Variants in LAMA4 observed in about 807,000 individuals in gnomAD.
LAMA4 encodes the protein laminin subunit alpha 4.
Under a neutral mutation model 207.1 loss-of-function variants are expected in LAMA4, and 127 were observed. The ratio of observed to expected loss-of-function variants is 0.61; its 90% confidence interval spans 0.53 to 0.71. LAMA4 has a LOEUF of 0.71. Among genes scored for constraint, LAMA4 ranks in the 30% least tolerant of loss-of-function variants. LAMA4 has a pLI of 0.00. For missense variants in LAMA4, 2,093 were observed against 2,246.5 expected (o/e 0.93, Z 1.38); for synonymous variants, 761 against 816.0 (o/e 0.93, Z 1.15).
At chr6:112,166,888 T>TCAACAA (rs1291690633) in intron 12 of LAMA4, among the ~76,000 whole-genome samples, 5 of 152,060 alleles carry the variant, frequency 3.3e-5, no homozygotes, top group Non-Finnish European at 5.9e-5. Flanking sequence ...AGTTCCACGG[T>TCAACAA]CAACAACAAC....
At chr6:112,171,204 ATCTG>A (rs1189242910) in intron 12 of LAMA4, among the ~76,000 whole-genome samples, 49 of 149,298 alleles carry the variant, frequency 3.3e-4, no homozygotes, top group African/African-American at 1.2e-3. Context: ...ATTTCCTTTT[ATCTG>A]TCTCTCCTTT....
At chr6:112,174,781 A>G (rs1241111969) in intron 11 of LAMA4, among the ~76,000 whole-genome samples, 1 of 152,192 alleles carries the variant, frequency 6.6e-6, no homozygotes, top group Non-Finnish European at 1.5e-5. Flanking sequence ...ATGAGCCACC[A>G]CGCCCGGCCT....
chr6:112,211,758 A>C (rs1316360399), intron 3 of LAMA4, among the ~76,000 whole-genome samples: 2 of 152,264 alleles, frequency 1.3e-5, no homozygotes, highest in African/African-American at 4.8e-5. Flanking sequence ...GAACAAGTTC[A>C]GGCACAAGAG....
chr6:112,176,272 A>G (rs1554343707), intron 10 of LAMA4, among the ~76,000 whole-genome samples: 1 of 152,214 alleles, frequency 6.6e-6, no homozygotes, highest in African/African-American at 2.4e-5. Flanking sequence ...TGAATCCCTC[A>G]TTCCTACTAC....
At chr6:112,128,889 C>T in intron 31 of LAMA4, 33 bp downstream of exon 31, 1 of 1,596,780 alleles carries the variant, frequency 6.3e-7, no homozygotes, top group Non-Finnish European at 8.6e-7. Context: ...AAAATGATGA[C>T]AATTAGGAAG....
intron 35 of LAMA4, among the ~76,000 whole-genome samples, chr6:112,116,220 G>A (rs1256768889): frequency 1.3e-5 from 2 of 152,164 alleles, no homozygotes; most frequent in Non-Finnish European, 2.9e-5. Flanking sequence ...GCTGGCAACA[G>A]CACACAAAAT....
intron 18 of LAMA4, among the ~76,000 whole-genome samples, chr6:112,147,757 T>C (rs1354029717): frequency 1.3e-5 from 2 of 152,204 alleles, no homozygotes; most frequent in African/African-American, 4.8e-5. Flanking sequence ...GAAAAAGCAA[T>C]GTTGCCTAGT....
rs1360993170 is a variant in LAMA4 at position 112,253,939 on chromosome 6, T to C, written c.195+17A>G. 6.2e-7 allele frequency: 1 copy of C among 1,606,946 alleles called. No individual in the cohort carries two copies. The highest frequency in any genetic ancestry group is 8.5e-7 in the Non-Finnish European group (1 of 1,176,190). ...CGCAGGTGCCCCAGCAGGGTGGCAA[T>C]GGCAGGGACACTGTACCTCGGCCGC... is the stretch of plus-strand genomic sequence containing the variant. On this transcript the variant is annotated intron_variant, in intron 2 of 38. Transcript: ENST00000230538.
chr6:112,233,356 C>T (rs1390313992), intron 2 of LAMA4, among the ~76,000 whole-genome samples: 3 of 152,156 alleles, frequency 2.0e-5, no homozygotes, highest in Admixed American at 1.3e-4. Context: ...GCGTTTTCAA[C>T]AAATAATTGT....
At chr6:112,227,927 T>G (rs1785314640) in intron 2 of LAMA4, among the ~76,000 whole-genome samples, 1 of 152,218 alleles carries the variant, frequency 6.6e-6, no homozygotes, top group Non-Finnish European at 1.5e-5. Flanking sequence ...TAGTTGGGCC[T>G]TACTATTTAA....
In LAMA4 at chr6:112,133,341, G is replaced by A. The variant is rs782714768; in HGVS notation, c.3696+8C>T. The A allele has an allele frequency of 1.5e-5, 24 of 1,613,432 alleles. No homozygotes were observed. The highest frequency in any genetic ancestry group is 1.7e-5 in the Admixed American group (1 of 59,984). On this transcript the variant is annotated splice_region_variant and intron_variant, in intron 27 of 38. Transcript: ENST00000230538. ...CTATTAAAAAGCTTTTGACTGAGTG[G>A]TTCTTACAAGTGAGTCTTCTGGGCA...
intron 13 of LAMA4, 62 bp from the exon 14 acceptor site, chr6:112,158,942 G>A: frequency 8.7e-7 from 1 of 1,152,700 alleles, no homozygotes; most frequent in Non-Finnish European, 1.3e-6. Flanking sequence ...TTTTTCCTAG[G>A]CACCAAAAGA....
At chr6:112,183,812 G>A (rs1262926682) in intron 9 of LAMA4, among the ~76,000 whole-genome samples, 7 of 151,732 alleles carry the variant, frequency 4.6e-5, no homozygotes, top group South Asian at 2.1e-4. Context: ...TTAGCCAGGC[G>A]TGGTGGTGTG....
At chr6:112,209,467 A>G (rs1375121891) in intron 3 of LAMA4, among the ~76,000 whole-genome samples, 1 of 152,178 alleles carries the variant, frequency 6.6e-6, no homozygotes, top group Non-Finnish European at 1.5e-5. Flanking sequence ...GCAAGTATGA[A>G]CTTTCCTCAT....
chr6:112,202,443 G>GTGTGTGT (rs781857527), intron 4 of LAMA4, among the ~76,000 whole-genome samples: 35 of 150,140 alleles, frequency 2.3e-4, no homozygotes, highest in African/African-American at 6.8e-4. Flanking sequence ...GGGGCATAGG[G>GTGTGTGT]GTGTGTGTGT....
At chr6:112,150,465 C>T (rs1554335508) in intron 17 of LAMA4, 46 bp downstream of exon 17, 2 of 1,143,470 alleles carry the variant, frequency 1.7e-6, no homozygotes, top group East Asian at 2.3e-5. Flanking sequence ...TTACCTTACA[C>T]TCCAGTGAAT....
chr6:112,133,397 C>A lies in LAMA4; in HGVS notation c.3648G>T (p.Glu1216Asp). The A allele has an allele frequency of 6.2e-7, 1 of 1,613,852 alleles. No homozygotes were observed. The highest frequency in any genetic ancestry group is 8.5e-7 in the Non-Finnish European group (1 of 1,179,812). The change falls in exon 27 of 39, where the codon GAG (glutamate) becomes GAT (aspartate). Residue 1216 changes from glutamate (E) to aspartate (D), a missense_variant. Glu to Asp is a conservative substitution (Grantham distance 45). This residue lies in a region of LAMA4 where 1,704 missense variants were observed against 1,788.4 expected (regional missense o/e 0.95). Transcript: ENST00000230538. Reference protein sequence around the residue: ...QFQKKDFNLLEQTETLGVGYG... With the variant: ...QFQKKDFNLLDQTETLGVGYG... The stretch of plus-strand genomic sequence containing the variant: ...AACCAACTCCCAGGGTTTCTGTCTG[C>A]TCCAGTAAATTGAAGTCCTTCTTTT...
chr6:112,158,287 T>C (rs1780841704), intron 14 of LAMA4: 3 of 187,282 alleles, frequency 1.6e-5, no homozygotes, highest in Admixed American at 5.5e-5. Flanking sequence ...CCAGTTTTAC[T>C]TAAGACACTT....
chr6:112,125,966 A>G (rs1778664536), intron 31 of LAMA4, among the ~76,000 whole-genome samples: 1 of 152,246 alleles, frequency 6.6e-6, no homozygotes, highest in Admixed American at 6.5e-5. Context: ...AACAAGGGTC[A>G]ATATAAGAAA....
Sources: gnomAD v4.1 joint callset for allele counts (sites outside exome capture counted in the v4.1 genomes callset) on GRCh38, gnomAD v4.1.1 for gene constraint, gnomAD v4.1.1 regional missense constraint, MANE v1.5 for transcripts, NCBI Gene and HGNC (gene_info 2026-07-23, HGNC 2026-07-21) for gene names.